MAP2K5: variants seen among roughly 807,000 people sequenced by gnomAD.
MAP2K5 encodes mitogen-activated protein kinase kinase 5.
Under a neutral mutation model 83.1 loss-of-function variants are expected in MAP2K5, and 49 were observed. That is an observed-to-expected ratio of 0.59 (90% CI 0.47 to 0.75). The LOEUF (loss-of-function observed/expected upper bound fraction) is 0.75, where lower values mean the gene tolerates loss of function less well. Ranked by LOEUF, MAP2K5 falls within the 30% of genes least tolerant of loss-of-function variation. MAP2K5 has a pLI of 0.00. For missense variants in MAP2K5, 457 were observed against 557.5 expected, an observed-to-expected ratio of 0.82 and a Z score of 1.82; for synonymous variants, 202 against 191.8, an observed-to-expected ratio of 1.05 and a Z score of -0.44.
intron 17 of MAP2K5, among the ~76,000 whole-genome samples, chr15:67,741,065 C>T (rs1196662446): frequency 6.6e-6 from 1 of 151,150 alleles, no homozygotes; most frequent in East Asian, 1.9e-4. Context: ...GCACTTTTAG[C>T]CTCCTTGAGT....
intron 15 of MAP2K5, among the ~76,000 whole-genome samples, chr15:67,694,407 A>T (rs2088193062): frequency 6.6e-6 from 1 of 152,196 alleles, no homozygotes. Flanking sequence ...ATGAAATTAA[A>T]TGATGTTAGT....
chr15:67,792,868 G>C lies in MAP2K5; in HGVS notation c.1243-13778G>C, dbSNP rs1027791344. On this transcript the variant is annotated intron_variant, in intron 21 of 21. Transcript: ENST00000178640. The stretch of plus-strand genomic sequence containing the variant: ...ATTCAGAGGATCGGCAAGCTTGTCT[G>C]TCCCCGTGAGATCACATGGTGCTTC... 2.0e-5 allele frequency among the ~76,000 whole-genome samples: 3 copies of C among 152,312 alleles called. No individual in the cohort carries two copies. The South Asian group carries it at 6.2e-4, about 32-fold the overall frequency.
intron 21 of MAP2K5, among the ~76,000 whole-genome samples, chr15:67,795,288 T>C (rs1338505832): frequency 6.6e-6 from 1 of 152,260 alleles, no homozygotes; most frequent in Non-Finnish European, 1.5e-5. Context: ...TCTTTAGCTA[T>C]GCTTTTTGTT....
chr15:67,679,544 A>T lies in MAP2K5; in HGVS notation c.848-12935A>T, dbSNP rs1018139823. Among the ~76,000 whole-genome samples, 48 of 152,220 alleles carry T rather than the reference A, an allele frequency of 3.2e-4. 1 individual carries two copies. The highest frequency in any genetic ancestry group is 3.0e-3 in the Admixed American group (46 of 15,284). Reference sequence around the variant, plus strand: ...CATTTCTTGAAATAATCTTAAATACACAAAAGTAACATTTTAAAATTAATA... The same window carrying T: ...CATTTCTTGAAATAATCTTAAATACTCAAAAGTAACATTTTAAAATTAATA... On this transcript the variant is annotated intron_variant, in intron 13 of 21. Transcript: ENST00000178640.
chr15:67,773,032 A>C (rs936343762), intron 21 of MAP2K5, among the ~76,000 whole-genome samples: 2 of 152,170 alleles, frequency 1.3e-5, no homozygotes, highest in Admixed American at 1.3e-4. Flanking sequence ...CTCATTTGCT[A>C]TTAAACCTTT....
rs886528225 is a variant in MAP2K5 at position 67,802,663 on chromosome 15, G to A, written c.1243-3983G>A. ...ACAGACATGGCTGTGCAGAAATGGT[G>A]CTAACATGCTTTCCGCGTGAAGGAC... On this transcript the variant is annotated intron_variant, in intron 21 of 21. Transcript: ENST00000178640. This position sits in a 1 kb window ranked among gnomAD's most constrained non-coding sequence, Gnocchi z 5.0. Among the ~76,000 whole-genome samples, 2 of 152,268 alleles carry A rather than the reference G, an allele frequency of 1.3e-5. No homozygotes were observed. Among genetic ancestry groups the A allele is most frequent in the Non-Finnish European group, 2.9e-5 (2 of 68,050 alleles).
rs4548812 is a variant in MAP2K5, at chr15:67,768,214, G to T, written c.1135-1388G>T. ...GTTAATTTTCTGTCTTGTAATTACC[G>T]ATCTCATTTTTCTGATAATTGGCCA... On this transcript the variant is annotated intron_variant, in intron 19 of 21. Transcript: ENST00000178640. The surrounding 1 kb of genome is among the most constrained non-coding windows in gnomAD (Gnocchi z 4.0). Among the ~76,000 whole-genome samples, 2 of 151,840 alleles carry T rather than the reference G, an allele frequency of 1.3e-5. No individual in the cohort carries two copies. Among genetic ancestry groups the T allele is most frequent in the Non-Finnish European group, 2.9e-5 (2 of 67,980 alleles).
At position 67,795,054 on chromosome 15, in the gene MAP2K5, C is replaced by T. The variant is rs956437350; in HGVS notation, c.1243-11592C>T. Among the ~76,000 whole-genome samples, 7 of 152,360 alleles carry T rather than the reference C, an allele frequency of 4.6e-5. No individual in the cohort carries two copies. In the East Asian group the frequency reaches 1.3e-3, roughly 29 times the overall value. Reference sequence around the variant, plus strand: ...TCTCCACTTCTCATCATCTCACACTCCCTTTCTGCTGTTGTGAGTCGTCAC... The same window carrying T: ...TCTCCACTTCTCATCATCTCACACTTCCTTTCTGCTGTTGTGAGTCGTCAC... On this transcript the variant is annotated intron_variant, in intron 21 of 21. Coordinates refer to ENST00000178640, the MANE Select transcript of MAP2K5 (RefSeq NM_145160.3).
chr15:67,634,385 A>AAAAT (rs1555534727), intron 9 of MAP2K5, among the ~76,000 whole-genome samples: 8 of 90,944 alleles, frequency 8.8e-5, no homozygotes, highest in Non-Finnish European at 2.0e-4. Context: ...AAAAAAAAAA[A>AAAAT]AAAAAAAAAA....
At chr15:67,776,925 A>G (rs1747775560) in intron 21 of MAP2K5, among the ~76,000 whole-genome samples, 1 of 152,156 alleles carries the variant, frequency 6.6e-6, no homozygotes, top group Admixed American at 6.5e-5. Context: ...GCCCTTGACC[A>G]ATGGTCTGTG....
At position 67,783,064 on chromosome 15, in the gene MAP2K5, A is replaced by G. The variant is rs562039854; in HGVS notation, c.1242+10312A>G. Among the ~76,000 whole-genome samples, 4 of 152,328 alleles carry G rather than the reference A, an allele frequency of 2.6e-5. No individual in the cohort carries two copies. The highest frequency in any genetic ancestry group is 5.9e-5 in the Non-Finnish European group (4 of 68,018). On this transcript the variant is annotated intron_variant, in intron 21 of 21. Coordinates refer to ENST00000178640, the MANE Select transcript of MAP2K5 (RefSeq NM_145160.3). This position sits in a 1 kb window ranked among gnomAD's most constrained non-coding sequence, Gnocchi z 5.1. Reference sequence around the variant, plus strand: ...GATTTGTATTGCAGAAGCCTTTTCTACTGTTGTGAGACATGGAGAGAAGCC... The same window carrying G: ...GATTTGTATTGCAGAAGCCTTTTCTGCTGTTGTGAGACATGGAGAGAAGCC...
chr15:67,772,748 T>C lies in MAP2K5; in HGVS notation c.1238T>C (p.Leu413Ser). ...QPKERPAPEE[L>S]MGHPFIVQFN... ...AAAGAAAGGCCAGCACCTGAAGAAT[T>C]GATGGTAAGTGAATGTTTTTAGTTA... Residue 413 changes from leucine (L) to serine (S), a missense_variant, in exon 21 of 22, where the codon TTG (leucine) becomes TCG (serine). Physicochemically the swap from Leu to Ser is moderately radical, Grantham distance 145. Transcript: ENST00000178640. 2 of 1,602,466 alleles carry C rather than the reference T, an allele frequency of 1.2e-6. No homozygotes were observed. The highest frequency in any genetic ancestry group is 1.7e-6 in the Non-Finnish European group (2 of 1,174,104).
At chr15:67,684,979 T>C (rs2141190441) in intron 13 of MAP2K5, among the ~76,000 whole-genome samples, 1 of 152,210 alleles carries the variant, frequency 6.6e-6, no homozygotes, top group African/African-American at 2.4e-5. Context: ...AAGTCTAAGA[T>C]ATATGTGTTA....
rs1299241890 is a variant in MAP2K5 at position 67,738,584 on chromosome 15, T to C, written c.1075-9647T>C. 6.6e-6 allele frequency among the ~76,000 whole-genome samples: 1 copy of C among 152,184 alleles called. No homozygotes were observed. The highest frequency in any genetic ancestry group is 1.5e-5 in the Non-Finnish European group (1 of 68,020). On this transcript the variant is annotated intron_variant, in intron 17 of 21. Coordinates refer to ENST00000178640, the MANE Select transcript of MAP2K5 (RefSeq NM_145160.3). The surrounding 1 kb of genome is among the most constrained non-coding windows in gnomAD (Gnocchi z 4.1). ...TATTAGTTGCTTGACCTTCTTTCTTTTTGGACTTCAGCCTCCTCACCTGGA... is the reference window on the plus strand; with the variant it reads ...TATTAGTTGCTTGACCTTCTTTCTTCTTGGACTTCAGCCTCCTCACCTGGA...
Position 67,658,623 on chromosome 15 carries a change from A to T in MAP2K5, c.798+9A>T. ...GAAGAATTGCAGTAGCAGTAAGTATATGGCTTCAGTGTTAGGAAATTTGAG... is the reference window on the plus strand; with the variant it reads ...GAAGAATTGCAGTAGCAGTAAGTATTTGGCTTCAGTGTTAGGAAATTTGAG... On this transcript the variant is annotated intron_variant, in intron 12 of 21. Transcript: ENST00000178640. The T allele has an allele frequency of 6.2e-7, 1 of 1,606,478 alleles. No homozygotes were observed. Among genetic ancestry groups the T allele is most frequent in the Non-Finnish European group, 8.5e-7 (1 of 1,174,192 alleles).
Position 67,573,203 on chromosome 15 carries a change from G to T in MAP2K5, c.253-7551G>T, listed in dbSNP as rs908691289. ...ATTTTTCCTAGCCCTCACTCAAGAT[G>T]GAGTTGCTCTGGTTCAAATGCCTCT... On this transcript the variant is annotated intron_variant, in intron 3 of 21. Coordinates refer to ENST00000178640, the MANE Select transcript of MAP2K5 (RefSeq NM_145160.3). This position sits in a 1 kb window ranked among gnomAD's most constrained non-coding sequence, Gnocchi z 4.2. 6.6e-6 allele frequency among the ~76,000 whole-genome samples: 1 copy of T among 152,070 alleles called. No homozygotes were observed. Among genetic ancestry groups the T allele is most frequent in the South Asian group, 2.1e-4 (1 of 4,818 alleles).
Position 67,750,948 on chromosome 15 carries a change from A to G in MAP2K5, c.1134+2347A>G, listed in dbSNP as rs1416758382. Among the ~76,000 whole-genome samples, 1 of 152,172 alleles carries G rather than the reference A, an allele frequency of 6.6e-6. No homozygotes were observed. The highest frequency in any genetic ancestry group is 2.4e-5 in the African/African-American group (1 of 41,444). Reference sequence around the variant, plus strand: ...TGAGGGAAGTTCAGACAAGATGGGTATATTTGGCGTCACATACAAAATAGC... The same window carrying G: ...TGAGGGAAGTTCAGACAAGATGGGTGTATTTGGCGTCACATACAAAATAGC... On this transcript the variant is annotated intron_variant, in intron 19 of 21. Coordinates refer to ENST00000178640, the MANE Select transcript of MAP2K5 (RefSeq NM_145160.3). The surrounding 1 kb of genome is among the most constrained non-coding windows in gnomAD (Gnocchi z 4.2).
At chr15:67,788,963 C>A (rs1193685187) in intron 21 of MAP2K5, among the ~76,000 whole-genome samples, 2 of 112,704 alleles carry the variant, frequency 1.8e-5, no homozygotes, top group South Asian at 3.9e-4. Context: ...CAGAGAGAGA[C>A]CCTGTCTCAA....
chr15:67,642,475 G>T (rs764682840), intron 9 of MAP2K5: 85 of 1,595,738 alleles, frequency 5.3e-5, no homozygotes, highest in Non-Finnish European at 6.3e-5. Context: ...AGCTAGAGAT[G>T]AATTTTGATG....
Sources: allele counts gnomAD v4.1 joint callset (sites outside exome capture counted in the v4.1 genomes callset), GRCh38; gene constraint gnomAD v4.1.1; non-coding constraint Gnocchi (gnomAD v3.1); transcripts MANE v1.5; gene names NCBI Gene and HGNC (gene_info 2026-07-23, HGNC 2026-07-21).